The following PLCXD3 variants were observed in gnomAD, a reference collection of about 807,000 sequenced individuals.
The protein encoded by PLCXD3 is PI-PLC X domain-containing protein 3.
A neutral mutation model predicts 25.5 loss-of-function variants in PLCXD3; 19 were observed. The observed-to-expected ratio is 0.75, with a 90% CI of 0.52 to 1.09. The LOEUF is 1.09. PLCXD3 is among the 50% of genes least tolerant of loss of function. The pLI is 0.00. For missense variants in PLCXD3, 411 were observed against 388.1 expected, an observed-to-expected ratio of 1.06 and a Z score of -0.50; for synonymous variants, 174 against 137.6, an observed-to-expected ratio of 1.26 and a Z score of -1.85.
At chr5:41,366,820 G>C (rs776218967) in intron 2 of PLCXD3, among the ~76,000 whole-genome samples, 1 of 152,124 alleles carries the variant, frequency 6.6e-6, no homozygotes, top group Non-Finnish European at 1.5e-5. Context: ...GCCCCAGTGT[G>C]TGTCATTCCT....
At chr5:41,387,154 T>G (rs1745662507) in intron 1 of PLCXD3, among the ~76,000 whole-genome samples, 1 of 152,026 alleles carries the variant, frequency 6.6e-6, no homozygotes, top group Non-Finnish European at 1.5e-5. Context: ...GGAAAAGGTT[T>G]TCCTCAAAAT....
In PLCXD3 at chr5:41,308,972, A is replaced by G. The variant is rs1743062376; in HGVS notation, c.*4645T>C. Reference sequence around the variant, plus strand: ...CCCATTCCTCACAAAATTAAAAGACACCATTTTTAACAAAAACTTAATTTC... The same window carrying G: ...CCCATTCCTCACAAAATTAAAAGACGCCATTTTTAACAAAAACTTAATTTC... On this transcript the variant is annotated 3_prime_UTR_variant, in exon 3 of 3. Coordinates refer to ENST00000377801, the MANE Select transcript of PLCXD3 (RefSeq NM_001005473.3). 1 of 152,578 alleles carries G rather than the reference A, an allele frequency of 6.6e-6. No homozygotes were observed. The highest frequency in any genetic ancestry group is 1.9e-4 in the East Asian group (1 of 5,194). 9.5% of individuals were successfully genotyped at this position (152,578 alleles called of 1,614,324 possible). A position where few individuals can be genotyped will look rare whatever the true frequency, so the allele number is the denominator to read the frequency against.
At chr5:41,329,402 C>T (rs4957391) in intron 2 of PLCXD3, among the ~76,000 whole-genome samples, 11,161 of 152,170 alleles carry the variant, frequency 0.073, 731 homozygotes, top group East Asian at 0.35. Context: ...GTGCATGGCA[C>T]AGGCTAAGGA....
intron 1 of PLCXD3, among the ~76,000 whole-genome samples, chr5:41,501,637 A>C (rs1306068094): frequency 6.6e-6 from 1 of 152,124 alleles, no homozygotes; most frequent in Non-Finnish European, 1.5e-5. Context: ...ACTTACAGGT[A>C]GCAACACTGT....
Position 41,510,532 on chromosome 5 carries a change from C to A in PLCXD3, c.-6G>T. ...TTCCCCTGAGACGAGGCCATCGTGC[C>A]AGTCGGCGTGCAGCGCGCTGGTCCC... is the stretch of plus-strand genomic sequence containing the variant. On this transcript the variant is annotated 5_prime_UTR_variant, in exon 1 of 3. Transcript: ENST00000377801. The A allele has an allele frequency of 6.2e-7, 1 of 1,612,126 alleles. No homozygotes were observed. The highest frequency in any genetic ancestry group is 1.1e-5 in the South Asian group (1 of 90,862).
chr5:41,341,806 T>G (rs960699303), intron 2 of PLCXD3, among the ~76,000 whole-genome samples: 3 of 152,220 alleles, frequency 2.0e-5, no homozygotes, highest in Non-Finnish European at 2.9e-5. Flanking sequence ...AAATGAAAGT[T>G]GTCATCTAGT....
At chr5:41,434,804 G>T (rs1312006705) in intron 1 of PLCXD3, among the ~76,000 whole-genome samples, 2 of 152,154 alleles carry the variant, frequency 1.3e-5, no homozygotes, top group Non-Finnish European at 2.9e-5. Context: ...GAGAGTAGGG[G>T]TGGGAGGGAT....
chr5:41,329,112 TTTG>T (rs1208414282), intron 2 of PLCXD3, among the ~76,000 whole-genome samples: 1 of 152,052 alleles, frequency 6.6e-6, no homozygotes, highest in Non-Finnish European at 1.5e-5. Context: ...AAACTTCTGG[TTTG>T]TTGTTGTTGT....
chr5:41,434,225 G>A (rs1366313006), intron 1 of PLCXD3, among the ~76,000 whole-genome samples: 1 of 152,034 alleles, frequency 6.6e-6, no homozygotes, highest in Non-Finnish European at 1.5e-5. Flanking sequence ...AAGCACCCTG[G>A]GTTTGACTTC....
intron 1 of PLCXD3, among the ~76,000 whole-genome samples, chr5:41,390,781 G>T (rs1745789336): frequency 1.3e-5 from 2 of 152,146 alleles, no homozygotes; most frequent in South Asian, 4.1e-4. Context: ...ATAGCACTGG[G>T]TTTTAACTTC....
At chr5:41,449,345 A>G (rs1254632338) in intron 1 of PLCXD3, among the ~76,000 whole-genome samples, 2 of 152,226 alleles carry the variant, frequency 1.3e-5, no homozygotes, top group South Asian at 4.1e-4. Flanking sequence ...CTGAAATTGT[A>G]AAGTATAGCT....
intron 1 of PLCXD3, among the ~76,000 whole-genome samples, chr5:41,485,535 G>A (rs144240531): frequency 1.3e-5 from 2 of 152,134 alleles, no homozygotes; most frequent in Non-Finnish European, 2.9e-5. Flanking sequence ...TCAGAGTTAT[G>A]ACCTGGTAGT....
At chr5:41,405,121 A>G (rs904806152) in intron 1 of PLCXD3, among the ~76,000 whole-genome samples, 13 of 152,158 alleles carry the variant, frequency 8.5e-5, no homozygotes, top group African/African-American at 3.1e-4. Context: ...AATAGGACCA[A>G]CACTATGGTT....
At position 41,495,045 on chromosome 5, in the gene PLCXD3, C is replaced by T. The variant is rs73081507; in HGVS notation, c.103+15379G>A. 7.1e-3 allele frequency among the ~76,000 whole-genome samples: 1,082 copies of T among 152,358 alleles called. 16 individuals carry two copies. The highest frequency in any genetic ancestry group is 0.025 in the African/African-American group (1,026 of 41,574). ...TCAACAATACATGGATTAATTTCCT[C>T]TATGATAAATCCTGCACTCCAGATG... On this transcript the variant is annotated intron_variant, in intron 1 of 2. Transcript: ENST00000377801.
chr5:41,405,008 C>T (rs1746309269), intron 1 of PLCXD3, among the ~76,000 whole-genome samples: 1 of 152,126 alleles, frequency 6.6e-6, no homozygotes, highest in Admixed American at 6.6e-5. Flanking sequence ...TGTGTTAGTA[C>T]ATCATGTTTT....
chr5:41,338,906 T>C (rs1264931940), intron 2 of PLCXD3, among the ~76,000 whole-genome samples: 1 of 152,132 alleles, frequency 6.6e-6, no homozygotes, highest in Non-Finnish European at 1.5e-5. Flanking sequence ...AATGCAATGT[T>C]CTCACTTGGG....
chr5:41,459,533 A>G (rs1407382188), intron 1 of PLCXD3, among the ~76,000 whole-genome samples: 1 of 151,870 alleles, frequency 6.6e-6, no homozygotes, highest in African/African-American at 2.4e-5. Context: ...AACTAGCATC[A>G]CACTGCTCAA....
At position 41,313,785 on chromosome 5, in the gene PLCXD3, A is replaced by G; in HGVS notation, c.813-15T>C. 6.4e-7 allele frequency: 1 copy of G among 1,561,212 alleles called. No homozygotes were observed. The highest frequency in any genetic ancestry group is 2.3e-5 in the East Asian group (1 of 43,392). On this transcript the variant is annotated splice_polypyrimidine_tract_variant and intron_variant, in intron 2 of 2. Transcript: ENST00000377801. Reference sequence around the variant, plus strand: ...CAGGAAGAGCTCTGAGAAAGGAAACAAAAAGAAAAGTCACAGAAGGCAAGA... The same window carrying G: ...CAGGAAGAGCTCTGAGAAAGGAAACGAAAAGAAAAGTCACAGAAGGCAAGA...
At chr5:41,382,752 A>C (rs923289898) in intron 1 of PLCXD3, among the ~76,000 whole-genome samples, 17 of 152,262 alleles carry the variant, frequency 1.1e-4, no homozygotes, top group Admixed American at 8.5e-4. Context: ...TTAAACAATA[A>C]GAAGATTTCC....
Sources: gnomAD v4.1 joint callset for allele counts (sites outside exome capture counted in the v4.1 genomes callset) on GRCh38, gnomAD v4.1.1 for gene constraint, MANE v1.5 for transcripts, NCBI Gene and HGNC (gene_info 2026-07-23, HGNC 2026-07-21) for gene names.